The following IWS1 variants were observed in gnomAD, a reference collection of about 807,000 sequenced individuals.
The protein encoded by IWS1 is interacts with SUPT6H, CTD assembly factor 1, also known as protein IWS1 homolog.
A neutral mutation model predicts 86.7 loss-of-function variants in IWS1; 27 were observed. The ratio of observed to expected loss-of-function variants is 0.31; its 90% CI spans 0.23 to 0.43. The LOEUF (loss-of-function observed/expected upper bound fraction) is 0.43. Among genes scored for constraint, IWS1 ranks in the 20% least tolerant of loss-of-function variants. IWS1 has a pLI of 1.00. For missense variants in IWS1, 827 were observed against 1,000.8 expected (o/e 0.83, Z 2.34); for synonymous variants, 313 against 335.1 (o/e 0.93, Z 0.72).
intron 4 of IWS1, among the ~76,000 whole-genome samples, chr2:127,503,135 C>T (rs772040927): frequency 1.2e-4 from 19 of 152,148 alleles, no homozygotes; most frequent in Non-Finnish European, 2.2e-4. Flanking sequence ...CTTCCAACAC[C>T]ACAGATAAAT....
rs568593448 is a variant in IWS1, at chr2:127,525,842, T to C, written c.34+333A>G. Among the ~76,000 whole-genome samples the C allele has an allele frequency of 7.2e-5, 11 of 152,360 alleles. No individual in the cohort carries two copies. In the South Asian group the frequency reaches 2.1e-3, roughly 29 times the overall value. On this transcript the variant is annotated intron_variant, in intron 1 of 13. Coordinates refer to ENST00000295321, the MANE Select transcript of IWS1 (RefSeq NM_017969.3). ...AAGGATCCCCCGCCCCAACGCCCCT[T>C]GGATTCTCCAACTACTCAACTACTG...
chr2:127,493,716 T>TA lies in IWS1; in HGVS notation c.1800-307dup, dbSNP rs397974960. ...AACAATTAACTCCAATCTTTTCAAC[T>TA]AAAAAAAAAAAACGTTCAATCTATC... On this transcript the variant is annotated intron_variant, in intron 8 of 13. Coordinates refer to ENST00000295321, the MANE Select transcript of IWS1 (RefSeq NM_017969.3). Among the ~76,000 whole-genome samples the TA allele has an allele frequency of 5.1e-3, 647 of 127,268 alleles. 5 individuals are homozygous for TA. Among genetic ancestry groups the TA allele is most frequent in the African/African-American group, 0.015 (507 of 34,206 alleles). 83.5% of individuals were successfully genotyped at this position (127,268 alleles called of 152,430 possible).
At chr2:127,515,643 T>C (rs1410122825) in intron 2 of IWS1, among the ~76,000 whole-genome samples, 1 of 152,094 alleles carries the variant, frequency 6.6e-6, no homozygotes, top group Non-Finnish European at 1.5e-5. Flanking sequence ...ACCTCCCCAG[T>C]GAAAATTATT....
At chr2:127,503,120 C>T (rs1410296994) in intron 4 of IWS1, among the ~76,000 whole-genome samples, 1 of 152,178 alleles carries the variant, frequency 6.6e-6, no homozygotes, top group South Asian at 2.1e-4. Context: ...CAACTGCCAC[C>T]TTGACTTCCA....
chr2:127,488,434 C>T (rs890056062), intron 12 of IWS1, among the ~76,000 whole-genome samples: 3 of 152,210 alleles, frequency 2.0e-5, no homozygotes, highest in African/African-American at 7.2e-5. Context: ...ACTGTCTCAG[C>T]ACTCAGGTTA....
intron 2 of IWS1, among the ~76,000 whole-genome samples, chr2:127,510,490 T>G (rs1411828771): frequency 1.3e-5 from 2 of 152,116 alleles, no homozygotes; most frequent in Non-Finnish European, 2.9e-5. Context: ...TTTTTGTTTG[T>G]TTGGTTTGTT....
At chr2:127,483,634 G>A (rs1296492543) in intron 13 of IWS1, among the ~76,000 whole-genome samples, 3 of 8,130 alleles carry the variant, frequency 3.7e-4, no homozygotes, top group Non-Finnish European at 1.6e-3. Flanking sequence ...GCGTGTGCGT[G>A]TGTGTGTGTG....
intron 2 of IWS1, among the ~76,000 whole-genome samples, chr2:127,518,562 C>CT (rs747745807): frequency 0.17 from 19,708 of 116,830 alleles, 2,290 homozygotes; most frequent in African/African-American, 0.27. Context: ...ACAGGCGATT[C>CT]TTTTTTTTTT....
chr2:127,525,113 G>C (rs13022932), intron 1 of IWS1, among the ~76,000 whole-genome samples: 1 of 146,738 alleles, frequency 6.8e-6, no homozygotes, highest in African/African-American at 2.6e-5. Flanking sequence ...TAGGGGCGTA[G>C]GGGGGTGGGG....
upstream of IWS1, chr2:127,526,693 T>C (rs991234988): frequency 7.7e-6 from 10 of 1,307,184 alleles, no homozygotes; most frequent in South Asian, 6.2e-5. Context: ...ATTGATTCTT[T>C]ATCATTTCCT....
chr2:127,509,707 C>CAAA lies in IWS1; in HGVS notation c.151-3958_151-3956dup, dbSNP rs34526019. On this transcript the variant is annotated intron_variant, in intron 2 of 13. Transcript: ENST00000295321. ...TATGTGACAGAGCAACACTCCATCT[C>CAAA]AAAAAAAAAAAAAAAAAAAAAAAAG... 4.2e-3 allele frequency among the ~76,000 whole-genome samples: 230 copies of CAAA among 54,938 alleles called. 2 individuals carry two copies. Among genetic ancestry groups the CAAA allele is most frequent in the Non-Finnish European group, 4.4e-3 (138 of 31,686 alleles). The allele number at this position is 54,938 out of a possible 152,430, so 36.0% of individuals were successfully genotyped here.
At chr2:127,522,147 C>T (rs1205459552) in intron 2 of IWS1, among the ~76,000 whole-genome samples, 1 of 152,208 alleles carries the variant, frequency 6.6e-6, no homozygotes, top group Admixed American at 6.5e-5. Context: ...CTGACCTCCC[C>T]TACCCCTTAA....
In IWS1 at chr2:127,492,287, G is replaced by A. The variant is rs147942115; in HGVS notation, c.1930-199C>T. The stretch of plus-strand genomic sequence containing the variant: ...AGGCCAGGCATGGTGGCTCACGCCT[G>A]TAATCCCAGCACTTTGGGAGGCTGA... On this transcript the variant is annotated intron_variant, in intron 9 of 13. Transcript: ENST00000295321. 2.6e-4 allele frequency among the ~76,000 whole-genome samples: 40 copies of A among 152,356 alleles called. No individual in the cohort carries two copies. In the East Asian group the frequency reaches 7.5e-3, roughly 29 times the overall value.
chr2:127,503,313 T>C (rs1056798111), intron 4 of IWS1, 74 bp downstream of exon 4: 18 of 1,077,046 alleles, frequency 1.7e-5, no homozygotes, highest in Middle Eastern at 2.1e-4. Context: ...GCAGGACATA[T>C]TGTATTATAA....
At position 127,495,963 on chromosome 2, in the gene IWS1, G is replaced by GA; in HGVS notation, c.1716+34dup. ...GGGCATCCAATAAACTCAGTGGGAG[G>GA]AAAAAAAGGTGAACCTAGAAGCGAC... is the stretch of plus-strand genomic sequence containing the variant. On this transcript the variant is annotated intron_variant, in intron 7 of 13. Transcript: ENST00000295321. 5 of 1,535,976 alleles carry GA rather than the reference G, an allele frequency of 3.3e-6. No individual in the cohort carries two copies. In the South Asian group the frequency reaches 3.7e-5, roughly 11 times the overall value.
rs550777005 is a variant in IWS1 at position 127,523,862 on chromosome 2, T to G, written c.35-71A>C. The G allele has an allele frequency of 3.7e-5, 38 of 1,026,546 alleles. No homozygotes were observed. In the African/African-American group the frequency reaches 5.7e-4, roughly 16 times the overall value. The allele number at this position is 1,026,546 out of a possible 1,614,324, so 63.6% of individuals were successfully genotyped here. A position where few individuals can be genotyped will look rare whatever the true frequency, so the allele number is the denominator to read the frequency against. On this transcript the variant is annotated intron_variant, in intron 1 of 13. Coordinates refer to ENST00000295321, the MANE Select transcript of IWS1 (RefSeq NM_017969.3). ...GACATCTACAGTGAAATGAACACAC[T>G]GAATCAAGAATAACGTAAGTGCAAA... is the stretch of plus-strand genomic sequence containing the variant.
intron 1 of IWS1, among the ~76,000 whole-genome samples, chr2:127,524,919 G>C (rs987999580): frequency 4.0e-5 from 6 of 151,032 alleles, no homozygotes; most frequent in Non-Finnish European, 5.9e-5. Flanking sequence ...ACAGAGTCTT[G>C]CTCTGTCGCC....
In IWS1 at chr2:127,505,785, TG is replaced by T; in HGVS notation, c.151-34del. On this transcript the variant is annotated intron_variant, in intron 2 of 13. Coordinates refer to ENST00000295321, the MANE Select transcript of IWS1 (RefSeq NM_017969.3). This position sits in a 1 kb window ranked among gnomAD's most constrained non-coding sequence, Gnocchi z 5.0. ...ATAAAGTGAGAAAAAATTAGGAAAGTGCAAAAAAAAAAAAACCATTAATAAT... is the reference window on the plus strand; with the variant it reads ...ATAAAGTGAGAAAAAATTAGGAAAGTCAAAAAAAAAAAAACCATTAATAAT... 2 of 1,248,266 alleles carry T rather than the reference TG, an allele frequency of 1.6e-6. No individual in the cohort carries two copies. Among genetic ancestry groups the T allele is most frequent in the Non-Finnish European group, 2.2e-6 (2 of 921,026 alleles). 77.3% of individuals were successfully genotyped at this position (1,248,266 alleles called of 1,614,324 possible).
At chr2:127,523,623 A>G in intron 2 of IWS1, 53 bp downstream of exon 2, 1 of 1,125,376 alleles carries the variant, frequency 8.9e-7, no homozygotes, top group South Asian at 1.3e-5. Flanking sequence ...AATATAACAG[A>G]TCTCACAGAA....
Sources: allele counts gnomAD v4.1 joint callset (sites outside exome capture counted in the v4.1 genomes callset), GRCh38; gene constraint gnomAD v4.1.1; non-coding constraint Gnocchi (gnomAD v3.1); transcripts MANE v1.5; gene names NCBI Gene and HGNC (gene_info 2026-07-23, HGNC 2026-07-21).